The following TBC1D4 variants were observed in gnomAD, a reference collection of about 807,000 sequenced individuals.
TBC1D4 encodes the protein TBC1 domain family member 4, also known as TBC (Tre-2, BUB2, CDC16) domain-containing protein.
Under a neutral mutation model 142.5 loss-of-function variants are expected in TBC1D4, and 121 were observed. That is an observed-to-expected ratio of 0.85 (90% CI 0.73 to 0.99). The LOEUF is 0.99. TBC1D4 is among the 50% of genes least tolerant of loss of function. The pLI is 0.00. For synonymous variants in TBC1D4, 630 were observed against 628.2 expected, an observed-to-expected ratio of 1.00 and a Z score of -0.04; for missense variants, 1,475 against 1,606.6, an observed-to-expected ratio of 0.92 and a Z score of 1.40.
rs1437408642 is a variant in TBC1D4, at chr13:75,289,083, A to G, written c.3514T>C (p.Leu1172=). 4 of 1,613,832 alleles carry G rather than the reference A, an allele frequency of 2.5e-6. No individual in the cohort carries two copies. In the South Asian group the frequency reaches 4.4e-5, roughly 18 times the overall value. The part of the protein sequence containing the change: ...QVFEMDISKQ[L]HAYEVEYHVL... Reference sequence around the variant, plus strand: ...TGATATTCCACCTCATAGGCATGCAACTGCTTAGAAATATCCATCTCAAAA... The same window carrying G: ...TGATATTCCACCTCATAGGCATGCAGCTGCTTAGAAATATCCATCTCAAAA... The change falls in exon 20 of 21, where the codon TTG becomes CTG. Residue 1172 remains leucine (L), a synonymous_variant. Transcript: ENST00000377636.
chr13:75,464,674 G>A (rs1019803194), intron 1 of TBC1D4, among the ~76,000 whole-genome samples: 10 of 152,226 alleles, frequency 6.6e-5, no homozygotes, highest in Middle Eastern at 3.4e-3. Flanking sequence ...GGCTGGTCTC[G>A]GCACCTGGCA....
intron 1 of TBC1D4, chr13:75,377,157 T>C (rs1883557091): frequency 6.6e-6 from 1 of 152,208 alleles, no homozygotes; most frequent in South Asian, 2.1e-4. Flanking sequence ...TAAATAAATA[T>C]CAAAAACTGT....
At chr13:75,464,942 T>C (rs1888109690) in intron 1 of TBC1D4, among the ~76,000 whole-genome samples, 1 of 152,240 alleles carries the variant, frequency 6.6e-6, no homozygotes, top group Admixed American at 6.5e-5. Flanking sequence ...CATTACCTTC[T>C]TTTCCTTCAT....
intron 1 of TBC1D4, among the ~76,000 whole-genome samples, chr13:75,480,343 A>C (rs939474944): frequency 1.3e-5 from 2 of 152,206 alleles, no homozygotes; most frequent in Non-Finnish European, 2.9e-5. Context: ...CATTTTTAAA[A>C]CAGCATTTTG....
intron 1 of TBC1D4, among the ~76,000 whole-genome samples, chr13:75,415,127 A>C (rs902705409): frequency 1.3e-5 from 2 of 149,938 alleles, no homozygotes; most frequent in South Asian, 2.1e-4. Context: ...CCATCTCACA[A>C]AAAAAAAAAA....
chr13:75,324,223 G>A lies in TBC1D4; in HGVS notation c.2198+14C>T. The A allele has an allele frequency of 6.2e-7, 1 of 1,613,598 alleles. No homozygotes were observed. Among genetic ancestry groups the A allele is most frequent in the African/African-American group, 1.3e-5 (1 of 75,010 alleles). On this transcript the variant is annotated intron_variant, in intron 11 of 20. Coordinates refer to ENST00000377636, the MANE Select transcript of TBC1D4 (RefSeq NM_014832.5). ...AGAAAATTTTGCTTTGCAAACAGAG[G>A]ACACTGATCTCACCTGATTTCATTT...
chr13:75,387,069 ATATT>A (rs914312012), intron 1 of TBC1D4, among the ~76,000 whole-genome samples: 1 of 152,106 alleles, frequency 6.6e-6, no homozygotes, highest in Admixed American at 6.5e-5. Flanking sequence ...AAAATTTAAA[ATATT>A]TATTAACTCA....
At chr13:75,357,687 A>T (rs1014116210) in intron 3 of TBC1D4, among the ~76,000 whole-genome samples, 1 of 152,230 alleles carries the variant, frequency 6.6e-6, no homozygotes, top group African/African-American at 2.4e-5. Flanking sequence ...CAGATTTTGA[A>T]GAAAGAAGCA....
intron 1 of TBC1D4, among the ~76,000 whole-genome samples, chr13:75,432,016 G>A (rs183886980): frequency 1.1e-4 from 17 of 152,316 alleles, no homozygotes; most frequent in African/African-American, 4.1e-4. Flanking sequence ...CAACTGGAGT[G>A]AGAAAGTGGA....
intron 9 of TBC1D4, 72 bp downstream of exon 9, chr13:75,327,680 A>G: frequency 7.6e-7 from 1 of 1,316,074 alleles, no homozygotes; most frequent in Non-Finnish European, 1.1e-6. Context: ...TAAAAAATGG[A>G]GCATGCATAT....
At chr13:75,353,610 A>G (rs958664585) in intron 4 of TBC1D4, among the ~76,000 whole-genome samples, 91 of 152,246 alleles carry the variant, frequency 6.0e-4, no homozygotes, top group African/African-American at 2.1e-3. Flanking sequence ...CAACTAAAGG[A>G]GGCAATTCCT....
chr13:75,356,505 T>C (rs1263856045), intron 3 of TBC1D4, among the ~76,000 whole-genome samples: 1 of 152,186 alleles, frequency 6.6e-6, no homozygotes, highest in Non-Finnish European at 1.5e-5. Context: ...AGGAAAAACA[T>C]TGATGGTATG....
rs1367250889 is a variant in TBC1D4 at position 75,286,155 on chromosome 13, G to A, written c.*637C>T. 6.5e-6 allele frequency: 1 copy of A among 153,262 alleles called. No individual in the cohort carries two copies. Among genetic ancestry groups the A allele is most frequent in the Non-Finnish European group, 1.5e-5 (1 of 68,586 alleles). 9.5% of individuals were successfully genotyped at this position (153,262 alleles called of 1,614,324 possible). The stretch of plus-strand genomic sequence containing the variant: ...CCTAACCAGACTCATAATGCATGTA[G>A]ATGCAACATGCTAGTTGGCACAAAG... On this transcript the variant is annotated 3_prime_UTR_variant, in exon 21 of 21. Coordinates refer to ENST00000377636, the MANE Select transcript of TBC1D4 (RefSeq NM_014832.5).
chr13:75,349,406 T>A (rs920542517), intron 4 of TBC1D4, 104 bp from the exon 5 acceptor site: 1 of 1,278,486 alleles, frequency 7.8e-7, no homozygotes, highest in Non-Finnish European at 1.1e-6. Context: ...TAAATAAAAA[T>A]AATAGAATTT....
In TBC1D4 at chr13:75,441,367, A is replaced by AT. The variant is rs200813095; in HGVS notation, c.498+39902_498+39903insA. 9.8e-5 allele frequency among the ~76,000 whole-genome samples: 15 copies of AT among 152,296 alleles called. No individual in the cohort carries two copies. The East Asian group carries it at 2.9e-3, about 29-fold the overall frequency. ...ATGTTTACAATGTAAGCAGCTTTCTACTTTAAGGGACTCATCTGGAAACCA... is the reference window on the plus strand; with the variant it reads ...ATGTTTACAATGTAAGCAGCTTTCTATCTTTAAGGGACTCATCTGGAAACCA... On this transcript the variant is annotated intron_variant, in intron 1 of 20. Transcript: ENST00000377636.
rs536463330 is a variant in TBC1D4 at position 75,399,869 on chromosome 13, G to A, written c.499-37262C>T. On this transcript the variant is annotated intron_variant, in intron 1 of 20. Transcript: ENST00000377636. Reference sequence around the variant, plus strand: ...TTCTACTATTGAGCTCTAGGGAAAAGCCAGCCACCATGCAGGAAGTCAGAC... The same window carrying A: ...TTCTACTATTGAGCTCTAGGGAAAAACCAGCCACCATGCAGGAAGTCAGAC... Among the ~76,000 whole-genome samples, 20 of 152,230 alleles carry A rather than the reference G, an allele frequency of 1.3e-4. No homozygotes were observed. In the South Asian group the frequency reaches 1.7e-3, roughly 13 times the overall value.
At chr13:75,339,134 T>C (rs537532313) in intron 7 of TBC1D4, among the ~76,000 whole-genome samples, 1 of 152,366 alleles carries the variant, frequency 6.6e-6, no homozygotes, top group African/African-American at 2.4e-5. Flanking sequence ...TGGTTTCACA[T>C]TGGTTTCTCC....
Position 75,283,936 on chromosome 13 carries a change from G to GACA in TBC1D4, c.*2855_*2856insTGT, listed in dbSNP as rs1874475554. Among the ~76,000 whole-genome samples, 4 of 151,754 alleles carry GACA rather than the reference G, an allele frequency of 2.6e-5. No homozygotes were observed. Among genetic ancestry groups the GACA allele is most frequent in the Admixed American group, 2.6e-4 (4 of 15,224 alleles). On this transcript the variant is annotated 3_prime_UTR_variant, in exon 21 of 21. Coordinates refer to ENST00000377636, the MANE Select transcript of TBC1D4 (RefSeq NM_014832.5). ...TTTTTTTGTCAAAGTCTCACTCTGT[G>GACA]GCCCAGGCTAGAGTGCAGTGGCATG...
chr13:75,362,953 G>A lies in TBC1D4; in HGVS notation c.499-346C>T, dbSNP rs1468971055. Among the ~76,000 whole-genome samples the A allele has an allele frequency of 6.6e-6, 1 of 152,126 alleles. No homozygotes were observed. The highest frequency in any genetic ancestry group is 2.4e-5 in the African/African-American group (1 of 41,436). Reference sequence around the variant, plus strand: ...AAGTTATTTGTGCCTCAGCTGAAAGGAACCAAAGTTCCAACCATGAGGACA... The same window carrying A: ...AAGTTATTTGTGCCTCAGCTGAAAGAAACCAAAGTTCCAACCATGAGGACA... On this transcript the variant is annotated intron_variant, in intron 1 of 20. Transcript: ENST00000377636. This position sits in a 1 kb window ranked among gnomAD's most constrained non-coding sequence, Gnocchi z 4.2.
Sources: allele counts gnomAD v4.1 joint callset (sites outside exome capture counted in the v4.1 genomes callset), GRCh38; gene constraint gnomAD v4.1.1; non-coding constraint Gnocchi (gnomAD v3.1); transcripts MANE v1.5; gene names NCBI Gene and HGNC (gene_info 2026-07-23, HGNC 2026-07-21).